The following CSGALNACT1 variants were observed in gnomAD, a reference collection of about 807,000 sequenced individuals.
CSGALNACT1 encodes the protein beta4GalNAcT-1.
CSGALNACT1 carries 52 observed loss-of-function variants against 51.0 expected under a neutral mutation model. The observed-to-expected ratio is 1.02, with a 90% CI of 0.82 to 1.29. The LOEUF is 1.29. Ranked by LOEUF, CSGALNACT1 falls within the 50% of genes most tolerant of loss-of-function variation. The probability of loss-of-function intolerance (pLI) is 0.00; values close to 1 mark genes in which losing one functional copy is unlikely to be tolerated. For synonymous variants in CSGALNACT1, 341 were observed against 254.4 expected, an observed-to-expected ratio of 1.34 and a Z score of -3.24; for missense variants, 935 against 679.2, an observed-to-expected ratio of 1.38 and a Z score of -4.19.
chr8:19,514,125 G>A (rs954189389), intron 3 of CSGALNACT1, among the ~76,000 whole-genome samples: 1 of 152,128 alleles, frequency 6.6e-6, no homozygotes, highest in African/African-American at 2.4e-5. Flanking sequence ...AGCAACTAAA[G>A]CAGATCAGTA....
At chr8:19,501,552 G>C (rs116846036) in intron 4 of CSGALNACT1, among the ~76,000 whole-genome samples, 1 of 152,302 alleles carries the variant, frequency 6.6e-6, no homozygotes, top group East Asian at 1.9e-4. Flanking sequence ...TAACCCTGCA[G>C]AGGCTGGAGG....
exon 1 of CSGALNACT1, chr8:19,602,486 G>C (rs1391869969): frequency 1.3e-5 from 2 of 152,564 alleles, no homozygotes. Context: ...GGTGAGGACC[G>C]AGCGCATCTG....
At chr8:19,425,154 C>T (rs2058580384) in intron 6 of CSGALNACT1, among the ~76,000 whole-genome samples, 1 of 152,094 alleles carries the variant, frequency 6.6e-6, no homozygotes, top group Admixed American at 6.6e-5. Flanking sequence ...ACTGAACTGA[C>T]CAACATGGTG....
intron 1 of CSGALNACT1, among the ~76,000 whole-genome samples, chr8:19,674,321 T>C (rs1674711118): frequency 6.6e-6 from 1 of 151,860 alleles, no homozygotes; most frequent in Non-Finnish European, 1.5e-5. Context: ...GGAGGTCTGA[T>C]GAATGCAGTG....
At chr8:19,628,845 G>C (rs2054817186) in intron 1 of CSGALNACT1, among the ~76,000 whole-genome samples, 1 of 152,032 alleles carries the variant, frequency 6.6e-6, no homozygotes, top group Non-Finnish European at 1.5e-5. Flanking sequence ...CAGGATAGGA[G>C]TCAACAATAT....
intron 1 of CSGALNACT1, among the ~76,000 whole-genome samples, chr8:19,653,835 A>T (rs1026505440): frequency 8.6e-5 from 13 of 151,916 alleles, no homozygotes; most frequent in African/African-American, 3.1e-4. Context: ...ATTTCTGTAC[A>T]TTTCTCTTGA....
chr8:19,523,164 G>A (rs1293360886), intron 3 of CSGALNACT1, among the ~76,000 whole-genome samples: 4 of 152,184 alleles, frequency 2.6e-5, no homozygotes. Context: ...AAGCACCTGT[G>A]AAAGAGGGGC....
chr8:19,419,329 G>C (rs773195078), intron 7 of CSGALNACT1, among the ~76,000 whole-genome samples: 2 of 152,212 alleles, frequency 1.3e-5, no homozygotes, highest in African/African-American at 2.4e-5. Context: ...GTGTGAAAGA[G>C]AGTCCTGGTG....
upstream of CSGALNACT1, among the ~76,000 whole-genome samples, chr8:19,603,172 G>A (rs1293001826): frequency 4.7e-5 from 7 of 150,316 alleles, no homozygotes; most frequent in Non-Finnish European, 7.4e-5. Context: ...CCCAGAAAGC[G>A]CCAAAGGAAA....
At chr8:19,717,410 C>T (rs1436597459) in intron 1 of CSGALNACT1, among the ~76,000 whole-genome samples, 6 of 152,154 alleles carry the variant, frequency 3.9e-5, no homozygotes, top group African/African-American at 1.4e-4. Flanking sequence ...ATAGCCACAC[C>T]AAAAGGTTAC....
chr8:19,533,626 T>G (rs956617771), intron 3 of CSGALNACT1, among the ~76,000 whole-genome samples: 3 of 152,166 alleles, frequency 2.0e-5, no homozygotes, highest in Non-Finnish European at 2.9e-5. Context: ...TTTCATGTAC[T>G]TCACATCCTC....
chr8:19,559,679 C>CA (rs1247235866), intron 3 of CSGALNACT1, among the ~76,000 whole-genome samples: 3 of 151,198 alleles, frequency 2.0e-5, no homozygotes, highest in South Asian at 2.1e-4. Context: ...AAATGAAATC[C>CA]AAAAAAAAGA....
At chr8:19,435,710 T>C (rs914409292) in intron 6 of CSGALNACT1, among the ~76,000 whole-genome samples, 3 of 152,242 alleles carry the variant, frequency 2.0e-5, no homozygotes, top group African/African-American at 7.2e-5. Flanking sequence ...CCAAAGCATG[T>C]TAATAATGAA....
Position 19,704,720 on chromosome 8 carries a change from GGA to G in CSGALNACT1, c.-297+53128_-297+53129del, listed in dbSNP as rs548192509. ...TGGGTGGATAAATGGATGGATGGATGGAGAAAATGTGATATATACATAAAACA... is the reference window on the plus strand; with the variant it reads ...TGGGTGGATAAATGGATGGATGGATGGAAAATGTGATATATACATAAAACA... On this transcript the variant is annotated intron_variant, in intron 1 of 1. Transcript: ENST00000517494. Among the ~76,000 whole-genome samples, 9 of 152,216 alleles carry G rather than the reference GGA, an allele frequency of 5.9e-5. No homozygotes were observed. The South Asian group carries it at 1.7e-3, about 28-fold the overall frequency.
At chr8:19,483,646 C>G (rs187931605) in intron 4 of CSGALNACT1, among the ~76,000 whole-genome samples, 2 of 152,176 alleles carry the variant, frequency 1.3e-5, no homozygotes, top group African/African-American at 4.8e-5. Context: ...TCCTACATGC[C>G]CCATACAACA....
intron 1 of CSGALNACT1, among the ~76,000 whole-genome samples, chr8:19,651,920 T>TTTTTG (rs939311844): frequency 8.9e-6 from 1 of 112,684 alleles, no homozygotes; most frequent in African/African-American, 2.9e-5. Flanking sequence ...TGTCTGTTTT[T>TTTTTG]TTTTGTTTTG....
In CSGALNACT1 at chr8:19,520,958, G is replaced by T. The variant is rs138586869; in HGVS notation, c.-296-14828C>A. ...TGGCTTCTCTACAATCTACAGAGGT[G>T]CTTTCGCAGATGTGTGTTCACCATG... On this transcript the variant is annotated intron_variant, in intron 3 of 9. Coordinates refer to ENST00000454498, the Ensembl canonical transcript of CSGALNACT1. 3.3e-3 allele frequency among the ~76,000 whole-genome samples: 505 copies of T among 152,292 alleles called. 2 individuals are homozygous for T. The highest frequency in any genetic ancestry group is 0.012 in the African/African-American group (483 of 41,558).
At chr8:19,556,698 T>C (rs749256105) in intron 3 of CSGALNACT1, among the ~76,000 whole-genome samples, 1 of 152,190 alleles carries the variant, frequency 6.6e-6, no homozygotes, top group African/African-American at 2.4e-5. Context: ...CCTTTTTTTT[T>C]TCTCTCCTAG....
intron 3 of CSGALNACT1, among the ~76,000 whole-genome samples, chr8:19,513,436 C>CTCTCTCTCTCTCTCTATATATATATA: frequency 1.3e-4 from 11 of 81,970 alleles, no homozygotes; most frequent in Admixed American, 1.7e-4. Context: ...CTCTCTCTCT[C>CTCTCTCTCTCTCTCTATATATATATA]TATATATATA....
Sources: gnomAD v4.1 joint callset for allele counts (sites outside exome capture counted in the v4.1 genomes callset) on GRCh38, gnomAD v4.1.1 for gene constraint, MANE v1.5 for transcripts, NCBI Gene and HGNC (gene_info 2026-07-23, HGNC 2026-07-21) for gene names.